HMGA2: variants seen among roughly 807,000 people sequenced by gnomAD.
HMGA2 encodes high mobility group protein HMGI-C.
HMGA2 carries 8 observed loss-of-function variants against 19.1 expected under a neutral mutation model. The observed-to-expected ratio is 0.42, with a 90% CI of 0.25 to 0.76. The LOEUF is 0.76. Ranked by LOEUF, HMGA2 falls within the 30% of genes least tolerant of loss-of-function variation. The pLI is 0.28. For missense variants in HMGA2, 109 were observed against 136.3 expected (o/e 0.80, Z 1.00); for synonymous variants, 60 against 48.8 (o/e 1.23, Z -0.96).
At chr12:65,857,362 G>A (rs1871795091) in intron 3 of HMGA2, 1 of 152,148 alleles carries the variant, frequency 6.6e-6, no homozygotes, top group South Asian at 2.1e-4. Context: ...TATCATTTTG[G>A]CCTTCAGTTT....
chr12:65,894,522 C>T (rs1874044089), intron 3 of HMGA2, among the ~76,000 whole-genome samples: 1 of 152,146 alleles, frequency 6.6e-6, no homozygotes, highest in Non-Finnish European at 1.5e-5. Context: ...ATCATTTTTA[C>T]ATGGTCAAAT....
chr12:65,873,366 A>G (rs1872805113), intron 3 of HMGA2, among the ~76,000 whole-genome samples: 1 of 152,172 alleles, frequency 6.6e-6, no homozygotes, highest in Admixed American at 6.5e-5. Context: ...GGCAGCCATC[A>G]GCAGAAATGG....
intron 3 of HMGA2, among the ~76,000 whole-genome samples, chr12:65,872,924 C>G (rs1410151347): frequency 6.6e-6 from 1 of 152,172 alleles, no homozygotes; most frequent in Non-Finnish European, 1.5e-5. Flanking sequence ...TCTTCACTTC[C>G]TTAGGACAGA....
intron 3 of HMGA2, among the ~76,000 whole-genome samples, chr12:65,882,479 C>T (rs751265929): frequency 6.6e-6 from 1 of 152,162 alleles, no homozygotes; most frequent in Non-Finnish European, 1.5e-5. Flanking sequence ...CTCTCCAAGC[C>T]GGGAAACTGA....
At chr12:65,836,558 T>C (rs1211447261) in intron 2 of HMGA2, among the ~76,000 whole-genome samples, 1 of 152,048 alleles carries the variant, frequency 6.6e-6, no homozygotes, top group Admixed American at 6.6e-5. Context: ...GTCATAAAGC[T>C]AAAATGGAAG....
At chr12:65,842,818 T>A (rs1038995617) in intron 3 of HMGA2, 18 of 1,370,230 alleles carry the variant, frequency 1.3e-5, no homozygotes, top group South Asian at 4.0e-5. Context: ...GGAAAGGAGC[T>A]CGTCACATAC....
intron 3 of HMGA2, among the ~76,000 whole-genome samples, chr12:65,893,157 T>C (rs928048385): frequency 5.3e-5 from 8 of 152,104 alleles, no homozygotes; most frequent in African/African-American, 1.7e-4. Context: ...AGGTCCTGCA[T>C]GAAGGAGGGT....
intron 3 of HMGA2, among the ~76,000 whole-genome samples, chr12:65,863,734 A>C (rs991439788): frequency 1.3e-5 from 2 of 152,228 alleles, no homozygotes; most frequent in African/African-American, 4.8e-5. Context: ...AGTCTCACTG[A>C]CTAGGGAATG....
chr12:65,842,754 T>C (rs1375205630), intron 3 of HMGA2: 6 of 1,383,220 alleles, frequency 4.3e-6, no homozygotes, highest in Admixed American at 3.0e-5. Context: ...CATTAGCCAG[T>C]CCTGCCAATT....
intron 3 of HMGA2, among the ~76,000 whole-genome samples, chr12:65,864,240 TA>T (rs1872265829): frequency 3.3e-5 from 5 of 152,142 alleles, no homozygotes; most frequent in African/African-American, 1.2e-4. Flanking sequence ...CCAGGATTCC[TA>T]ATTCATAAAA....
chr12:65,891,787 G>T (rs1020608383), intron 3 of HMGA2, among the ~76,000 whole-genome samples: 36 of 152,146 alleles, frequency 2.4e-4, no homozygotes, highest in African/African-American at 8.4e-4. Flanking sequence ...TAATAACTGT[G>T]GGTCTCAGTT....
intron 3 of HMGA2, among the ~76,000 whole-genome samples, chr12:65,866,460 G>A (rs1307700978): frequency 6.6e-6 from 1 of 152,126 alleles, no homozygotes; most frequent in Non-Finnish European, 1.5e-5. Context: ...TAGACCTGTG[G>A]GCAACATTAA....
chr12:65,963,303 C>A lies in HMGA2; in HGVS notation c.*11C>A. Reference sequence around the variant, plus strand: ...GCCGAAGAGGACTAGGGGGCGCCAACGTTCGATTTCTACCTCAGCAGCAGT... The same window carrying A: ...GCCGAAGAGGACTAGGGGGCGCCAAAGTTCGATTTCTACCTCAGCAGCAGT... On this transcript the variant is annotated 3_prime_UTR_variant, in exon 5 of 5. Coordinates refer to ENST00000403681, the MANE Select transcript of HMGA2 (RefSeq NM_003483.6). 6.2e-7 allele frequency: 1 copy of A among 1,612,754 alleles called. No individual in the cohort carries two copies. Among genetic ancestry groups the A allele is most frequent in the Non-Finnish European group, 8.5e-7 (1 of 1,179,344 alleles).
chr12:65,927,436 T>C (rs990811420), intron 3 of HMGA2, among the ~76,000 whole-genome samples: 1 of 152,202 alleles, frequency 6.6e-6, no homozygotes, highest in Admixed American at 6.5e-5. Context: ...CTGCCAAATA[T>C]AAAAACCACA....
chr12:65,840,742 G>A (rs903637498), intron 3 of HMGA2, among the ~76,000 whole-genome samples: 5 of 152,158 alleles, frequency 3.3e-5, no homozygotes, highest in Non-Finnish European at 7.3e-5. Context: ...TAAGAAAGAC[G>A]TGTATAATCT....
chr12:65,947,380 G>T (rs190081626), intron 3 of HMGA2, among the ~76,000 whole-genome samples: 2 of 152,234 alleles, frequency 1.3e-5, no homozygotes, highest in African/African-American at 4.8e-5. Flanking sequence ...GAGATTACCG[G>T]CATGAGCCAC....
intron 3 of HMGA2, among the ~76,000 whole-genome samples, chr12:65,917,786 C>G (rs1875162943): frequency 6.6e-6 from 1 of 152,146 alleles, no homozygotes; most frequent in South Asian, 2.1e-4. Context: ...CTAGTTGTTT[C>G]TTTGACATTC....
At chr12:65,874,781 C>T (rs190303457) in intron 3 of HMGA2, among the ~76,000 whole-genome samples, 1 of 152,316 alleles carries the variant, frequency 6.6e-6, no homozygotes, top group Non-Finnish European at 1.5e-5. Context: ...CACAAGTACG[C>T]TTAAAAATAG....
intron 3 of HMGA2, among the ~76,000 whole-genome samples, chr12:65,888,363 G>A (rs1041462550): frequency 2.0e-5 from 3 of 151,388 alleles, no homozygotes; most frequent in African/African-American, 7.3e-5. Flanking sequence ...GCTGAGGCAC[G>A]AGAATTGCTT....
Sources: gnomAD v4.1 joint callset for allele counts (sites outside exome capture counted in the v4.1 genomes callset) on GRCh38, gnomAD v4.1.1 for gene constraint, MANE v1.5 for transcripts, NCBI Gene and HGNC (gene_info 2026-07-23, HGNC 2026-07-21) for gene names.